RAB5B: variants seen among roughly 807,000 people sequenced by gnomAD.
RAB5B encodes the protein ras-related protein Rab-5B.
A neutral mutation model predicts 28.6 loss-of-function variants in RAB5B; 11 were observed. That is an observed-to-expected ratio of 0.38 (90% CI 0.24 to 0.64). RAB5B has a LOEUF of 0.64. Among genes scored for constraint, RAB5B ranks in the 30% least tolerant of loss-of-function variants. RAB5B has a pLI of 0.53. For synonymous variants in RAB5B, 93 were observed against 97.9 expected, an observed-to-expected ratio of 0.95 and a Z score of 0.29; for missense variants, 169 against 265.6, an observed-to-expected ratio of 0.64 and a Z score of 2.53.
At chr12:55,991,857 G>A in intron 5 of RAB5B, 1 of 469,376 alleles carries the variant, frequency 2.1e-6, no homozygotes, top group Non-Finnish European at 3.9e-6. Flanking sequence ...AACCCGGGAG[G>A]TGGAGGTTGC....
At position 55,994,667 on chromosome 12, in the gene RAB5B, C is replaced by T. The variant is rs538837264; in HGVS notation, c.*2455C>T. On this transcript the variant is annotated 3_prime_UTR_variant, in exon 6 of 6. Coordinates refer to ENST00000360299, the MANE Select transcript of RAB5B (RefSeq NM_002868.4). ...TAACAGAATGCGACTGCTGATTTAC[C>T]GATGTATTTAATGTAAGTAAAAAAA... The T allele has an allele frequency of 5.3e-5, 8 of 152,088 alleles. No homozygotes were observed. The East Asian group carries it at 7.7e-4, about 15-fold the overall frequency. 9.4% of individuals were successfully genotyped at this position (152,088 alleles called of 1,614,324 possible).
chr12:55,988,364 G>T (rs1890014399), intron 2 of RAB5B, among the ~76,000 whole-genome samples: 1 of 152,104 alleles, frequency 6.6e-6, no homozygotes, highest in South Asian at 2.1e-4. Flanking sequence ...ATAGAGGCTG[G>T]AACTAATGCA....
chr12:55,987,148 A>T lies in RAB5B; in HGVS notation c.163+25A>T. The T allele has an allele frequency of 1.3e-6, 2 of 1,570,832 alleles. 1 individual carries two copies. Among genetic ancestry groups the T allele is most frequent in the East Asian group, 4.5e-5 (2 of 44,230 alleles). On this transcript the variant is annotated intron_variant, in intron 2 of 5. Coordinates refer to ENST00000360299, the MANE Select transcript of RAB5B (RefSeq NM_002868.4). Reference sequence around the variant, plus strand: ...GGTGAGTGCCTTGGGGTAATAGGAGATTGAATGTTTGGTAAGGGTTTTTTT... The same window carrying T: ...GGTGAGTGCCTTGGGGTAATAGGAGTTTGAATGTTTGGTAAGGGTTTTTTT...
intron 1 of RAB5B, among the ~76,000 whole-genome samples, chr12:55,975,889 C>G (rs1353332454): frequency 6.8e-6 from 1 of 147,168 alleles, no homozygotes; most frequent in Non-Finnish European, 1.5e-5. Flanking sequence ...GTAGCTGGGA[C>G]TACAGGCGTG....
chr12:55,990,876 C>T lies in RAB5B; in HGVS notation c.438+72C>T, dbSNP rs960627052. On this transcript the variant is annotated intron_variant, in intron 4 of 5. Coordinates refer to ENST00000360299, the MANE Select transcript of RAB5B (RefSeq NM_002868.4). Reference sequence around the variant, plus strand: ...GGACCTCTTTTTTTCCAAACCAGCCCTCTCTGAAAACGTCAACAGAGGACA... The same window carrying T: ...GGACCTCTTTTTTTCCAAACCAGCCTTCTCTGAAAACGTCAACAGAGGACA... 17 of 1,572,164 alleles carry T rather than the reference C, an allele frequency of 1.1e-5. No homozygotes were observed. In the African/African-American group the frequency reaches 2.0e-4, roughly 19 times the overall value.
upstream of RAB5B, chr12:55,973,984 A>G (rs967458535): frequency 2.0e-5 from 3 of 152,512 alleles, no homozygotes; most frequent in African/African-American, 7.2e-5. Context: ...GAGTGCACAT[A>G]TAGCCCACCC....
intron 2 of RAB5B, 51 bp downstream of exon 2, chr12:55,987,174 T>TG: frequency 6.6e-7 from 1 of 1,524,958 alleles, no homozygotes; most frequent in South Asian, 1.2e-5. Context: ...GGGTTTTTTT[T>TG]TTTTTAGATG....
chr12:55,986,787 G>A (rs1297087160), intron 1 of RAB5B, 82 bp from the exon 2 acceptor site: 2 of 625,818 alleles, frequency 3.2e-6, no homozygotes, highest in Non-Finnish European at 5.7e-6. Context: ...GCAAGGAGAT[G>A]AAGAGGTTCT....
chr12:55,977,671 GA>G (rs1889683884), intron 1 of RAB5B, among the ~76,000 whole-genome samples: 1 of 152,166 alleles, frequency 6.6e-6, no homozygotes, highest in Non-Finnish European at 1.5e-5. Flanking sequence ...TTATAATAAG[GA>G]AATGCAGCAG....
At chr12:55,975,293 C>A (rs1049406705) in intron 1 of RAB5B, among the ~76,000 whole-genome samples, 1 of 152,146 alleles carries the variant, frequency 6.6e-6, no homozygotes, top group Non-Finnish European at 1.5e-5. Context: ...AGGTCCGAAA[C>A]TATGCGGTGA....
At chr12:55,985,607 C>G in intron 1 of RAB5B, 1 of 428,696 alleles carries the variant, frequency 2.3e-6, no homozygotes, top group East Asian at 7.5e-5. Context: ...CAGCAGCTTT[C>G]TTAGCCCTCT....
chr12:55,974,312 G>A (rs1889582414), intron 1 of RAB5B, among the ~76,000 whole-genome samples, 173 bp downstream of exon 1: 1 of 152,236 alleles, frequency 6.6e-6, no homozygotes, highest in Non-Finnish European at 1.5e-5. Context: ...CTGAGGAGGG[G>A]ACTGGGCGGC....
chr12:55,985,623 G>A (rs1197165338), intron 1 of RAB5B: 2 of 448,924 alleles, frequency 4.5e-6, no homozygotes, highest in Non-Finnish European at 9.0e-6. Context: ...CCTCTTAGAA[G>A]ATAGAGGAGC....
At chr12:55,989,926 C>T (rs754247358) in intron 2 of RAB5B, 21 bp from the exon 3 acceptor site, 2 of 1,603,782 alleles carry the variant, frequency 1.2e-6, no homozygotes, top group African/African-American at 2.7e-5. Flanking sequence ...AGCATCTTCC[C>T]CTCCATTCTC....
chr12:55,988,389 T>G (rs954222147), intron 2 of RAB5B, among the ~76,000 whole-genome samples: 24 of 152,328 alleles, frequency 1.6e-4, no homozygotes, highest in Non-Finnish European at 3.4e-4. Context: ...ACAAAGGGTG[T>G]CTGTCTTTCT....
At chr12:55,987,605 G>T (rs891100832) in intron 2 of RAB5B, among the ~76,000 whole-genome samples, 16 of 152,066 alleles carry the variant, frequency 1.1e-4, no homozygotes, top group Non-Finnish European at 4.4e-5. Context: ...CAAGATGGGC[G>T]GATCACCTGA....
At chr12:55,974,935 T>TC (rs1009743702) in intron 1 of RAB5B, among the ~76,000 whole-genome samples, 4 of 150,584 alleles carry the variant, frequency 2.7e-5, no homozygotes, top group Non-Finnish European at 5.9e-5. Flanking sequence ...TTTTTTTTTT[T>TC]CCATGACTGT....
intron 2 of RAB5B, among the ~76,000 whole-genome samples, chr12:55,988,703 G>GT (rs1046493629): frequency 1.3e-5 from 2 of 151,808 alleles, no homozygotes; most frequent in African/African-American, 4.8e-5. Flanking sequence ...GGGTTTCACC[G>GT]TGTTGGCCAG....
At chr12:55,990,132 G>A (rs1454181835) in intron 3 of RAB5B, 34 bp downstream of exon 3, 3 of 1,589,034 alleles carry the variant, frequency 1.9e-6, no homozygotes, top group Non-Finnish European at 2.6e-6. Context: ...CTTGTTGGCT[G>A]GACATGGTGG....
Sources: allele counts gnomAD v4.1 joint callset (sites outside exome capture counted in the v4.1 genomes callset), GRCh38; gene constraint gnomAD v4.1.1; transcripts MANE v1.5; gene names NCBI Gene and HGNC (gene_info 2026-07-23, HGNC 2026-07-21).